The following LRRC4C variants were observed in gnomAD, a reference collection of about 807,000 sequenced individuals.
LRRC4C encodes the protein leucine rich repeat containing 4C, also known as leucine-rich repeat-containing protein 4C.
Under a neutral mutation model 33.6 loss-of-function variants are expected in LRRC4C, and 5 were observed. That is an observed-to-expected ratio of 0.15 (90% CI 0.08 to 0.31). LRRC4C has a LOEUF of 0.31. LRRC4C is among the 10% of genes least tolerant of loss of function. The pLI is 1.00. For synonymous variants in LRRC4C, 329 were observed against 302.0 expected (o/e 1.09, Z -0.93); for missense variants, 560 against 796.7 (o/e 0.70, Z 3.58).
chr11:40,120,073 G>C (rs923754124), intron 6 of LRRC4C, among the ~76,000 whole-genome samples: 4 of 152,224 alleles, frequency 2.6e-5, no homozygotes, highest in African/African-American at 9.6e-5. Context: ...TGATCCTGCT[G>C]CTTCCCAGTG....
intron 1 of LRRC4C, among the ~76,000 whole-genome samples, chr11:41,012,556 A>C (rs1224999294): frequency 1.3e-5 from 2 of 152,170 alleles, no homozygotes; most frequent in Non-Finnish European, 2.9e-5. Context: ...TGGAGTGCAG[A>C]TATCCCTTCA....
chr11:40,160,002 C>T (rs1021927619), intron 5 of LRRC4C, among the ~76,000 whole-genome samples: 9 of 152,110 alleles, frequency 5.9e-5, no homozygotes, highest in Admixed American at 2.0e-4. Context: ...TACACCTCTA[C>T]GTGTTATTAC....
At chr11:40,703,139 G>A (rs930156338) in intron 2 of LRRC4C, among the ~76,000 whole-genome samples, 1 of 152,046 alleles carries the variant, frequency 6.6e-6, no homozygotes, top group Non-Finnish European at 1.5e-5. Context: ...TTTGGTTGTT[G>A]TATAAGGGGA....
intron 3 of LRRC4C, among the ~76,000 whole-genome samples, chr11:40,431,399 A>AAAG (rs1950930146): frequency 6.6e-6 from 1 of 151,364 alleles, no homozygotes; most frequent in Non-Finnish European, 1.5e-5. Flanking sequence ...TGTCTCAAAA[A>AAAG]AAAAAAAAAA....
At chr11:41,150,771 A>AAAAT (rs1180417161) in intron 1 of LRRC4C, among the ~76,000 whole-genome samples, 1 of 131,224 alleles carries the variant, frequency 7.6e-6, no homozygotes, top group African/African-American at 2.8e-5. Context: ...ACTCCATCTC[A>AAAAT]AAATAAATAA....
intron 2 of LRRC4C, among the ~76,000 whole-genome samples, chr11:40,867,087 C>T (rs1451976776): frequency 6.6e-6 from 1 of 152,132 alleles, no homozygotes; most frequent in Admixed American, 6.6e-5. Flanking sequence ...TATCCTTTTC[C>T]TTTCAAATCT....
chr11:40,719,268 C>T (rs947051992), intron 2 of LRRC4C, among the ~76,000 whole-genome samples: 2 of 152,144 alleles, frequency 1.3e-5, no homozygotes, highest in Non-Finnish European at 2.9e-5. Context: ...AACATTTTGC[C>T]ATAGTAGTGA....
At chr11:41,318,923 T>A (rs1950874078) in intron 1 of LRRC4C, among the ~76,000 whole-genome samples, 2 of 152,236 alleles carry the variant, frequency 1.3e-5, no homozygotes. Flanking sequence ...CTTAATTCGC[T>A]TACAATTTTC....
At chr11:40,764,737 G>C (rs1949372352) in intron 2 of LRRC4C, among the ~76,000 whole-genome samples, 1 of 152,000 alleles carries the variant, frequency 6.6e-6, no homozygotes, top group African/African-American at 2.4e-5. Context: ...CTCAAGGAGA[G>C]AGAAATTCCA....
At chr11:40,417,363 G>T (rs547784135) in intron 3 of LRRC4C, among the ~76,000 whole-genome samples, 1 of 151,824 alleles carries the variant, frequency 6.6e-6, no homozygotes, top group Non-Finnish European at 1.5e-5. Context: ...ATGGAGTCTT[G>T]CTCTGTGGCC....
intron 1 of LRRC4C, among the ~76,000 whole-genome samples, chr11:41,026,212 G>A (rs1304992): frequency 0.72 from 108,569 of 151,486 alleles, 39,229 homozygotes; most frequent in South Asian, 0.78. Flanking sequence ...TCTAGATGCC[G>A]TTAAGAACAT....
chr11:40,943,038 C>A (rs1000680790), intron 1 of LRRC4C, among the ~76,000 whole-genome samples: 1 of 152,084 alleles, frequency 6.6e-6, no homozygotes, highest in Non-Finnish European at 1.5e-5. Flanking sequence ...TCTATCTTGG[C>A]CCACATGTAT....
intron 2 of LRRC4C, among the ~76,000 whole-genome samples, chr11:40,911,223 G>A (rs1956663029): frequency 6.6e-6 from 1 of 152,192 alleles, no homozygotes; most frequent in Non-Finnish European, 1.5e-5. Context: ...CGCAGCTTGA[G>A]ATCTGAGAAT....
chr11:41,106,860 T>A (rs1941528820), intron 1 of LRRC4C, among the ~76,000 whole-genome samples: 1 of 151,566 alleles, frequency 6.6e-6, no homozygotes, highest in Admixed American at 6.6e-5. Flanking sequence ...TACAAAAAAA[T>A]TAAAGGAAAA....
At chr11:41,438,070 T>TA (rs1370399688) in intron 1 of LRRC4C, among the ~76,000 whole-genome samples, 78 of 148,642 alleles carry the variant, frequency 5.2e-4, no homozygotes, top group South Asian at 2.3e-3. Flanking sequence ...AATAAATAAA[T>TA]AATAAAAAAA....
chr11:41,125,316 A>T, intron 1 of LRRC4C, among the ~76,000 whole-genome samples: 1 of 152,214 alleles, frequency 6.6e-6, no homozygotes, highest in East Asian at 1.9e-4. Context: ...TCCTCAAAAA[A>T]TTCACATTGT....
chr11:40,934,673 A>C (rs1957789561), intron 1 of LRRC4C, among the ~76,000 whole-genome samples: 1 of 151,936 alleles, frequency 6.6e-6, no homozygotes, highest in Non-Finnish European at 1.5e-5. Context: ...TTTCCTTCTA[A>C]TTGTTTGTAA....
rs999948717 is a variant in LRRC4C at position 40,622,978 on chromosome 11, A to G, written c.-270+25164T>C. 2.0e-5 allele frequency among the ~76,000 whole-genome samples: 3 copies of G among 151,930 alleles called. No individual in the cohort carries two copies. In the South Asian group the frequency reaches 6.2e-4, roughly 31 times the overall value. On this transcript the variant is annotated intron_variant, in intron 3 of 6. Transcript: ENST00000528697. The stretch of plus-strand genomic sequence containing the variant: ...ACATCCATGATTTATTATTATTTTT[A>G]TTTAAATTTAAAAAATAATGGGATG...
At chr11:41,108,050 A>G (rs1034367074) in intron 1 of LRRC4C, among the ~76,000 whole-genome samples, 1 of 152,086 alleles carries the variant, frequency 6.6e-6, no homozygotes, top group Non-Finnish European at 1.5e-5. Context: ...GAATGCAAAC[A>G]TAATTTCAGG....
Sources: gnomAD v4.1 joint callset for allele counts (sites outside exome capture counted in the v4.1 genomes callset) on GRCh38, gnomAD v4.1.1 for gene constraint, MANE v1.5 for transcripts, NCBI Gene and HGNC (gene_info 2026-07-23, HGNC 2026-07-21) for gene names.